The following EIF2S1 variants were observed in gnomAD, a reference collection of about 807,000 sequenced individuals.
EIF2S1 encodes eukaryotic translation initiation factor 2 subunit 1.
In EIF2S1, 5 loss-of-function variants were observed where a neutral mutation model predicts 33.5. The ratio of observed to expected loss-of-function variants is 0.15; its 90% CI spans 0.08 to 0.31. EIF2S1 has a LOEUF of 0.31. Ranked by LOEUF, EIF2S1 falls within the 10% of genes least tolerant of loss-of-function variation. EIF2S1 has a pLI of 1.00. For missense variants in EIF2S1, 191 were observed against 384.6 expected, an observed-to-expected ratio of 0.50 and a Z score of 4.21; for synonymous variants, 99 against 127.5, an observed-to-expected ratio of 0.78 and a Z score of 1.51.
At chr14:67,373,630 C>T (rs973019769) in intron 2 of EIF2S1, among the ~76,000 whole-genome samples, 1 of 152,206 alleles carries the variant, frequency 6.6e-6, no homozygotes, top group East Asian at 1.9e-4. Context: ...TTGTAGGTTT[C>T]AGCCATTTTT....
chr14:67,372,529 C>G (rs2085829472), intron 2 of EIF2S1, among the ~76,000 whole-genome samples: 1 of 152,020 alleles, frequency 6.6e-6, no homozygotes, highest in Admixed American at 6.6e-5. Flanking sequence ...TCTTGAACAA[C>G]CTAAAAAATC....
chr14:67,363,053 A>C (rs2085752968), intron 1 of EIF2S1, among the ~76,000 whole-genome samples: 1 of 152,150 alleles, frequency 6.6e-6, no homozygotes, highest in East Asian at 1.9e-4. Context: ...CTGTTTGGAG[A>C]AGCTTGGTAA....
intron 2 of EIF2S1, among the ~76,000 whole-genome samples, chr14:67,368,049 C>G (rs1048734550): frequency 2.6e-5 from 4 of 152,106 alleles, no homozygotes; most frequent in Admixed American, 6.6e-5. Flanking sequence ...TGAAAGAAAA[C>G]TTTTACTACT....
chr14:67,376,384 CA>C, intron 3 of EIF2S1, 54 bp from the exon 4 acceptor site: 1 of 1,485,122 alleles, frequency 6.7e-7, no homozygotes, highest in Non-Finnish European at 9.0e-7. Context: ...AATGTAAAAA[CA>C]TTTTTTATAA....
intron 2 of EIF2S1, among the ~76,000 whole-genome samples, chr14:67,367,508 C>A (rs993684777): frequency 6.6e-6 from 1 of 152,232 alleles, no homozygotes; most frequent in South Asian, 2.1e-4. Flanking sequence ...GGATTACAGG[C>A]GTGAGCCACC....
intron 1 of EIF2S1, among the ~76,000 whole-genome samples, chr14:67,362,924 C>T (rs1030409613): frequency 6.6e-5 from 10 of 152,114 alleles, no homozygotes; most frequent in Non-Finnish European, 1.3e-4. Flanking sequence ...TGCAAAGAGA[C>T]TTGTGCCTCC....
intron 1 of EIF2S1, chr14:67,364,445 T>G (rs2141127143): frequency 4.4e-6 from 1 of 225,822 alleles, no homozygotes; most frequent in African/African-American, 2.3e-5. Context: ...TAAAGTAGTA[T>G]TTTACTCTTG....
rs959540386 is a variant in EIF2S1, at chr14:67,376,605, T to C, written c.473+15T>C. The C allele has an allele frequency of 1.2e-6, 2 of 1,610,472 alleles. No homozygotes were observed. ...CATGCAGTCTCGTAAGAATACCTTC[T>C]TGACTCTCCTTCTACCTTGATATCA... On this transcript the variant is annotated intron_variant, in intron 4 of 7. Transcript: ENST00000256383.
At chr14:67,361,969 G>C (rs1378817417) in intron 1 of EIF2S1, among the ~76,000 whole-genome samples, 1 of 145,656 alleles carries the variant, frequency 6.9e-6, no homozygotes, top group Non-Finnish European at 1.5e-5. Context: ...TTGCTAGTTT[G>C]TTTCCCACTC....
In EIF2S1 at chr14:67,383,686, T is replaced by A; in HGVS notation, c.*246T>A. ...CCTCATTTCACTAGAGACAAATCTT[T>A]AAGAATAGTTCTAAAATTGGGCTTG... On this transcript the variant is annotated 3_prime_UTR_variant, in exon 8 of 8. Coordinates refer to ENST00000256383, the MANE Select transcript of EIF2S1 (RefSeq NM_004094.5). 1 of 422,720 alleles carries A rather than the reference T, an allele frequency of 2.4e-6. No homozygotes were observed. The highest frequency in any genetic ancestry group is 2.1e-5 in the South Asian group (1 of 47,908). 26.2% of individuals were successfully genotyped at this position (422,720 alleles called of 1,614,324 possible).
rs538765772 is a variant in EIF2S1, at chr14:67,382,909, G to A, written c.822+319G>A. Among the ~76,000 whole-genome samples, 44 of 95,070 alleles carry A rather than the reference G, an allele frequency of 4.6e-4. No individual in the cohort carries two copies. In the East Asian group the frequency reaches 0.029, roughly 62 times the overall value. The allele number at this position is 95,070 out of a possible 152,430, so 62.4% of individuals were successfully genotyped here. On this transcript the variant is annotated intron_variant, in intron 7 of 7. Coordinates refer to ENST00000256383, the MANE Select transcript of EIF2S1 (RefSeq NM_004094.5). ...GAAGTGTGTGTACGTGCGTGCGTGC[G>A]TGTGTGTGTGTGTGTGTGTTATGGT...
At chr14:67,367,538 T>C (rs1280801956) in intron 2 of EIF2S1, among the ~76,000 whole-genome samples, 2 of 152,226 alleles carry the variant, frequency 1.3e-5, no homozygotes, top group African/African-American at 2.4e-5. Context: ...CCCATCCAGG[T>C]CACTTTGTGC....
In EIF2S1 at chr14:67,385,677, T is replaced by TTG. The variant is rs2085918615; in HGVS notation, c.*2237_*2238insTG. 1 of 148,904 alleles carries TTG rather than the reference T, an allele frequency of 6.7e-6. No homozygotes were observed. The highest frequency in any genetic ancestry group is 2.5e-5 in the African/African-American group (1 of 40,728). 9.2% of individuals were successfully genotyped at this position (148,904 alleles called of 1,614,324 possible). A position where few individuals can be genotyped will look rare whatever the true frequency, so the allele number is the denominator to read the frequency against. ...TTTTTTCTTTTTTTTTTTTTTTTTT[T>TTG]GGCAAATGGTGTTATATTGCCTGGG... On this transcript the variant is annotated 3_prime_UTR_variant, in exon 8 of 8. Transcript: ENST00000256383.
intron 5 of EIF2S1, 47 bp from the exon 6 acceptor site, chr14:67,381,546 A>G: frequency 6.8e-7 from 1 of 1,467,576 alleles, no homozygotes; most frequent in East Asian, 2.3e-5. Context: ...TAAACTTTTA[A>G]ATATTTTTTG....
At chr14:67,364,546 C>A in intron 1 of EIF2S1, 2 of 449,376 alleles carry the variant, frequency 4.5e-6, no homozygotes, top group South Asian at 2.9e-5. Flanking sequence ...GAGAATCACC[C>A]AAGCATTACA....
Position 67,386,436 on chromosome 14 carries a change from G to A in EIF2S1, c.*2996G>A, listed in dbSNP as rs1014760227. The A allele has an allele frequency of 6.6e-6, 1 of 152,190 alleles. No homozygotes were observed. Among genetic ancestry groups the A allele is most frequent in the African/African-American group, 2.4e-5 (1 of 41,448 alleles). 9.4% of individuals were successfully genotyped at this position (152,190 alleles called of 1,614,324 possible). ...TGATTAAGGGGAGGTCCAAGCATTT[G>A]TACTTGGCAGGAATGCTGGCAATAG... On this transcript the variant is annotated 3_prime_UTR_variant, in exon 8 of 8. Coordinates refer to ENST00000256383, the MANE Select transcript of EIF2S1 (RefSeq NM_004094.5).
chr14:67,361,285 T>C (rs1318068962), intron 1 of EIF2S1, among the ~76,000 whole-genome samples: 4 of 152,152 alleles, frequency 2.6e-5, no homozygotes, highest in Non-Finnish European at 5.9e-5. Context: ...CTCAATTGAG[T>C]TGTTATTCAA....
chr14:67,383,354 A>G lies in EIF2S1; in HGVS notation c.862A>G (p.Arg288Gly). Residue 288 changes from arginine (R) to glycine (G), a missense_variant, in exon 8 of 8, where the codon AGG (arginine) becomes GGG (glycine). Arg to Gly is a moderately radical substitution (Grantham distance 125). Coordinates refer to ENST00000256383, the MANE Select transcript of EIF2S1 (RefSeq NM_004094.5). The stretch of plus-strand genomic sequence containing the variant: ...AGATACAGATGAGACTGAACTTGCG[A>G]GGCAGATGGAGAGGCTTGAAAGAGA... ...VTDTDETELA[R>G]QMERLERENA... The G allele has an allele frequency of 6.2e-7, 1 of 1,613,742 alleles. No homozygotes were observed. Among genetic ancestry groups the G allele is most frequent in the Non-Finnish European group, 8.5e-7 (1 of 1,179,718 alleles).
At chr14:67,376,666 A>T in intron 4 of EIF2S1, 76 bp downstream of exon 4, 1 of 1,483,266 alleles carries the variant, frequency 6.7e-7, no homozygotes, top group Non-Finnish European at 9.1e-7. Flanking sequence ...CATAGCATCC[A>T]TGTATAAAAT....
Sources: allele counts gnomAD v4.1 joint callset (sites outside exome capture counted in the v4.1 genomes callset), GRCh38; gene constraint gnomAD v4.1.1; transcripts MANE v1.5; gene names NCBI Gene and HGNC (gene_info 2026-07-23, HGNC 2026-07-21).